ANXA6: variants seen among roughly 807,000 people sequenced by gnomAD.
ANXA6 encodes the protein annexin A6.
A neutral mutation model predicts 95.4 loss-of-function variants in ANXA6; 71 were observed. That is an observed-to-expected ratio of 0.74 (90% CI 0.61 to 0.91). The LOEUF is 0.91. ANXA6 is among the 40% of genes least tolerant of loss of function. The probability of loss-of-function intolerance (pLI) is 0.00; values close to 1 mark genes in which losing one functional copy is unlikely to be tolerated. For missense variants in ANXA6, 830 were observed against 876.4 expected (o/e 0.95, Z 0.67); for synonymous variants, 289 against 315.9 (o/e 0.91, Z 0.90).
Position 151,108,445 on chromosome 5 carries a change from T to C in ANXA6, c.1780+10A>G. ...TGCCCCCAGCCCTTCCCTTAGTCCC[T>C]GCCAGTTACCAATGGCCACAAATGC... is the stretch of plus-strand genomic sequence containing the variant. On this transcript the variant is annotated intron_variant, in intron 23 of 25. Coordinates refer to ENST00000354546, the MANE Select transcript of ANXA6 (RefSeq NM_001155.5). 2 of 1,611,612 alleles carry C rather than the reference T, an allele frequency of 1.2e-6. No individual in the cohort carries two copies. Among genetic ancestry groups the C allele is most frequent in the Non-Finnish European group, 1.7e-6 (2 of 1,177,688 alleles).
intron 7 of ANXA6, among the ~76,000 whole-genome samples, chr5:151,134,684 C>T (rs1256580247): frequency 2.0e-5 from 3 of 152,192 alleles, no homozygotes; most frequent in African/African-American, 7.2e-5. Flanking sequence ...CCTTTCCCTT[C>T]CTCGTCAGGG....
rs779133794 is a variant in ANXA6, at chr5:151,136,233, A to T, written c.489+23T>A. 25 of 1,610,458 alleles carry T rather than the reference A, an allele frequency of 1.6e-5. No individual in the cohort carries two copies. The South Asian group carries it at 2.3e-4, about 15-fold the overall frequency. The stretch of plus-strand genomic sequence containing the variant: ...CAAAAGCTATCCCAAGCTCCAGAGG[A>T]AAAAAATAGGCTGTGAACCAACCTG... On this transcript the variant is annotated intron_variant, in intron 7 of 25. Transcript: ENST00000354546.
At chr5:151,131,701 A>G (rs891133273) in intron 10 of ANXA6, among the ~76,000 whole-genome samples, 1 of 152,126 alleles carries the variant, frequency 6.6e-6, no homozygotes, top group African/African-American at 2.4e-5. Flanking sequence ...CTGGCTGACT[A>G]CTTCAAACAG....
At chr5:151,151,478 C>G (rs962975401) in intron 1 of ANXA6, 3 of 152,194 alleles carry the variant, frequency 2.0e-5, no homozygotes, top group Non-Finnish European at 4.4e-5. Context: ...CATAACAAGT[C>G]CCCACACAAC....
chr5:151,110,722 C>T lies in ANXA6; in HGVS notation c.1573-78G>A, dbSNP rs1172264591. The T allele has an allele frequency of 2.0e-6, 3 of 1,534,400 alleles. No homozygotes were observed. The African/African-American group carries it at 4.1e-5, about 21-fold the overall frequency. On this transcript the variant is annotated intron_variant, in intron 20 of 25. Coordinates refer to ENST00000354546, the MANE Select transcript of ANXA6 (RefSeq NM_001155.5). Reference sequence around the variant, plus strand: ...GAGGTTGGGGAGGCTGGTGCTGGGGCCCTGGGGTGCAGGGTGAGGGGCCTG... The same window carrying T: ...GAGGTTGGGGAGGCTGGTGCTGGGGTCCTGGGGTGCAGGGTGAGGGGCCTG...
At chr5:151,103,500 A>G in intron 25 of ANXA6, 70 bp downstream of exon 25, 1 of 1,496,014 alleles carries the variant, frequency 6.7e-7, no homozygotes. Flanking sequence ...ATGGGAATAA[A>G]GACTTCTAAT....
chr5:151,139,014 G>A, intron 4 of ANXA6: 1 of 601,874 alleles, frequency 1.7e-6, no homozygotes. Context: ...GCTATGCAGG[G>A]TCAGGTCCAC....
intron 2 of ANXA6, among the ~76,000 whole-genome samples, chr5:151,143,730 C>G (rs896686319): frequency 1.3e-5 from 2 of 152,092 alleles, no homozygotes; most frequent in East Asian, 1.9e-4. Context: ...TTTCTAGCAC[C>G]AAGTACAGGG....
At chr5:151,123,120 G>A (rs911512076) in intron 15 of ANXA6, 109 bp from the exon 16 acceptor site, 4 of 966,880 alleles carry the variant, frequency 4.1e-6, no homozygotes, top group African/African-American at 1.6e-5. Context: ...TAGAAGCCTG[G>A]CTAAGCGGCC....
At chr5:151,138,599 C>A in intron 5 of ANXA6, 79 bp downstream of exon 5, 1 of 981,852 alleles carries the variant, frequency 1.0e-6, no homozygotes, top group Non-Finnish European at 1.6e-6. Flanking sequence ...TGGGGCTCAC[C>A]AGTTGCTTTT....
intron 14 of ANXA6, 56 bp downstream of exon 14, chr5:151,126,346 G>T: frequency 6.8e-7 from 1 of 1,477,860 alleles, no homozygotes; most frequent in Non-Finnish European, 9.3e-7. Flanking sequence ...CAGCAGGAAG[G>T]TGCAAGCAGA....
chr5:151,115,261 A>C (rs775400568), intron 20 of ANXA6, among the ~76,000 whole-genome samples: 33 of 152,234 alleles, frequency 2.2e-4, no homozygotes, highest in Non-Finnish European at 4.4e-4. Context: ...AATGCTTATT[A>C]CTATTAGGTT....
At chr5:151,119,899 AGACAGAGTCTT>A (rs1394337027) in intron 17 of ANXA6, among the ~76,000 whole-genome samples, 1 of 152,148 alleles carries the variant, frequency 6.6e-6, no homozygotes, top group East Asian at 1.9e-4. Context: ...TTTTCTTTTG[AGACAGAGTCTT>A]GCTCTGTCGC....
In ANXA6 at chr5:151,139,358, C is replaced by A; in HGVS notation, c.199G>T (p.Gly67Cys). ...CCTCCGGTTGCTGTGGTTACCTTGC[C>A]GTAGAGGGACTTGTAGCTCTGGCAG... ...EVCQSYKSLY[G>C]KDLIADLKYE... Residue 67 changes from glycine (G) to cysteine (C), a missense_variant, in exon 4 of 26, where the codon GGC (glycine) becomes TGC (cysteine). By Grantham distance (159) the Gly-to-Cys change is radical. Coordinates refer to ENST00000354546, the MANE Select transcript of ANXA6 (RefSeq NM_001155.5). 1.2e-6 allele frequency: 2 copies of A among 1,610,092 alleles called. No homozygotes were observed. Among genetic ancestry groups the A allele is most frequent in the Non-Finnish European group, 8.5e-7 (1 of 1,177,636 alleles).
intron 17 of ANXA6, among the ~76,000 whole-genome samples, chr5:151,121,563 G>T (rs1217814841): frequency 6.6e-6 from 1 of 152,178 alleles, no homozygotes; most frequent in Non-Finnish European, 1.5e-5. Flanking sequence ...AAGGGCAGAG[G>T]TGACCATTTC....
At chr5:151,137,202 T>A in intron 6 of ANXA6, 29 bp downstream of exon 6, 8 of 1,589,468 alleles carry the variant, frequency 5.0e-6, no homozygotes, top group Non-Finnish European at 6.9e-6. Context: ...TATCTGAAGA[T>A]CCTAAGCGGC....
chr5:151,133,247 G>T, intron 8 of ANXA6, 60 bp from the exon 9 acceptor site: 2 of 1,239,332 alleles, frequency 1.6e-6, no homozygotes, highest in South Asian at 1.3e-5. Context: ...AGGACACACT[G>T]ACCAAGCCAC....
chr5:151,113,424 G>A, intron 20 of ANXA6, among the ~76,000 whole-genome samples: 2 of 152,056 alleles, frequency 1.3e-5, no homozygotes, highest in African/African-American at 4.8e-5. Flanking sequence ...TATATAAAAT[G>A]ATTAATATGG....
At chr5:151,124,455 A>C in intron 14 of ANXA6, 88 bp from the exon 15 acceptor site, 1 of 1,358,574 alleles carries the variant, frequency 7.4e-7, no homozygotes, top group Non-Finnish European at 1.0e-6. Context: ...TGGGAAGCTC[A>C]CCCCATGAGC....
Sources: gnomAD v4.1 joint callset for allele counts (sites outside exome capture counted in the v4.1 genomes callset) on GRCh38, gnomAD v4.1.1 for gene constraint, MANE v1.5 for transcripts, NCBI Gene and HGNC (gene_info 2026-07-23, HGNC 2026-07-21) for gene names.